KCNIP4: variants seen among roughly 807,000 people sequenced by gnomAD.
KCNIP4 encodes Kv channel-interacting protein 4.
A neutral mutation model predicts 34.0 loss-of-function variants in KCNIP4; 12 were observed. The observed-to-expected ratio is 0.35, with a 90% CI of 0.23 to 0.57. KCNIP4 has a LOEUF of 0.57. Among genes scored for constraint, KCNIP4 ranks in the 20% least tolerant of loss-of-function variants. The probability of loss-of-function intolerance (pLI) is 0.83; values close to 1 mark genes in which losing one functional copy is unlikely to be tolerated. For missense variants in KCNIP4, 238 were observed against 311.7 expected, an observed-to-expected ratio of 0.76 and a Z score of 1.78; for synonymous variants, 124 against 102.2, an observed-to-expected ratio of 1.21 and a Z score of -1.29.
intron 1 of KCNIP4, chr4:21,849,329 C>A (rs868577210): frequency 6.6e-6 from 1 of 152,102 alleles, no homozygotes; most frequent in African/African-American, 2.4e-5. Context: ...TTAAGGTGAA[C>A]CACTGTGTTA....
intron 2 of KCNIP4, among the ~76,000 whole-genome samples, chr4:20,855,278 C>G (rs1282597404): frequency 2.0e-5 from 3 of 152,126 alleles, no homozygotes; most frequent in Non-Finnish European, 4.4e-5. Context: ...GTTGTGTAAA[C>G]CAATCCACAC....
intron 1 of KCNIP4, among the ~76,000 whole-genome samples, chr4:21,481,241 T>C (rs961284671): frequency 2.0e-5 from 3 of 152,166 alleles, no homozygotes; most frequent in Non-Finnish European, 4.4e-5. Flanking sequence ...GAAAAAGATA[T>C]GACCACAAGG....
chr4:20,827,120 T>C (rs960767541), intron 3 of KCNIP4, among the ~76,000 whole-genome samples: 2 of 152,202 alleles, frequency 1.3e-5, no homozygotes, highest in Admixed American at 6.5e-5. Flanking sequence ...TTTCTAAGCA[T>C]AGTGGAGTTC....
intron 1 of KCNIP4, among the ~76,000 whole-genome samples, chr4:21,429,786 G>A (rs891913470): frequency 6.6e-5 from 10 of 152,206 alleles, no homozygotes; most frequent in African/African-American, 2.4e-4. Context: ...AAACTGGGAA[G>A]GAAATTATTT....
rs1718864812 is a variant in KCNIP4, at chr4:21,772,440, TA to T, written c.61+176130del. On this transcript the variant is annotated intron_variant, in intron 1 of 8. Transcript: ENST00000382152. ...GTATCAGGATGATGCTGGCTTCATA[TA>T]ATGAGTCAGGGAGGAGTCTCTCCTG... 2.6e-5 allele frequency among the ~76,000 whole-genome samples: 4 copies of T among 152,228 alleles called. No individual in the cohort carries two copies. In the South Asian group the frequency reaches 8.3e-4, roughly 32 times the overall value.
At chr4:21,628,402 G>A (rs1745480148) in intron 1 of KCNIP4, among the ~76,000 whole-genome samples, 1 of 152,120 alleles carries the variant, frequency 6.6e-6, no homozygotes, top group East Asian at 1.9e-4. Flanking sequence ...AAGGCCGGCT[G>A]TTATCCTCAA....
intron 1 of KCNIP4, among the ~76,000 whole-genome samples, chr4:21,765,819 G>GAAAAAAAAA (rs374486594): frequency 1.1e-5 from 1 of 95,106 alleles, no homozygotes; most frequent in Admixed American, 1.6e-4. Context: ...ACCAGGCCGT[G>GAAAAAAAAA]AAAAAAAAAA....
intron 3 of KCNIP4, among the ~76,000 whole-genome samples, chr4:20,811,340 C>T (rs1422454673): frequency 6.6e-6 from 1 of 152,162 alleles, no homozygotes; most frequent in African/African-American, 2.4e-5. Context: ...TTAGGATCAC[C>T]TTAGATGCAT....
chr4:21,399,134 A>G (rs1459176278), intron 1 of KCNIP4, among the ~76,000 whole-genome samples: 1 of 152,174 alleles, frequency 6.6e-6, no homozygotes, highest in Admixed American at 6.5e-5. Context: ...GTAGGGAACT[A>G]CTGTCCCACC....
intron 1 of KCNIP4, among the ~76,000 whole-genome samples, chr4:21,526,566 A>C (rs1735991472): frequency 1.3e-5 from 2 of 152,016 alleles, no homozygotes; most frequent in Admixed American, 1.3e-4. Context: ...CAATCTATTC[A>C]TATATATAGA....
At chr4:21,391,861 C>A (rs1013181668) in intron 1 of KCNIP4, among the ~76,000 whole-genome samples, 4 of 152,114 alleles carry the variant, frequency 2.6e-5, no homozygotes, top group African/African-American at 7.2e-5. Flanking sequence ...GTGTGATGTT[C>A]CTGATGTGTA....
intron 3 of KCNIP4, among the ~76,000 whole-genome samples, chr4:20,829,179 G>A (rs2149455084): frequency 6.6e-6 from 1 of 151,246 alleles, no homozygotes; most frequent in East Asian, 2.0e-4. Flanking sequence ...TTCTCCAGTG[G>A]GGCCAGAAGC....
intron 1 of KCNIP4, among the ~76,000 whole-genome samples, chr4:21,879,243 C>T (rs1414538380): frequency 1.3e-5 from 2 of 152,100 alleles, no homozygotes; most frequent in Non-Finnish European, 2.9e-5. Flanking sequence ...TGTCATAAGG[C>T]AAAAAAGTTT....
intron 1 of KCNIP4, among the ~76,000 whole-genome samples, chr4:21,646,872 A>G (rs1001281474): frequency 6.6e-6 from 1 of 152,234 alleles, no homozygotes; most frequent in Non-Finnish European, 1.5e-5. Context: ...GTCATTATTT[A>G]GAAGGCACAA....
chr4:21,448,377 G>A (rs1048666751), intron 1 of KCNIP4, among the ~76,000 whole-genome samples: 26 of 152,096 alleles, frequency 1.7e-4, no homozygotes, highest in African/African-American at 6.0e-4. Flanking sequence ...ACTGGAAACT[G>A]GAGGAAAGGC....
intron 2 of KCNIP4, among the ~76,000 whole-genome samples, chr4:20,863,041 AG>A (rs777889554): frequency 7.9e-5 from 12 of 152,136 alleles, no homozygotes; most frequent in Non-Finnish European, 1.6e-4. Context: ...GTGACTGTGC[AG>A]TGGGTTCACC....
chr4:20,882,561 G>A (rs146419561), intron 2 of KCNIP4, 47 bp downstream of exon 2: 161 of 1,385,688 alleles, frequency 1.2e-4, no homozygotes, highest in South Asian at 1.4e-4. Flanking sequence ...CTAAAGAAAC[G>A]AAACAAGAGT....
At chr4:21,266,748 G>T (rs1000941114) in intron 1 of KCNIP4, among the ~76,000 whole-genome samples, 9 of 152,154 alleles carry the variant, frequency 5.9e-5, no homozygotes, top group African/African-American at 2.2e-4. Flanking sequence ...CACACAAGAT[G>T]GTGTGTCAAG....
chr4:21,500,788 C>T (rs1030649799), intron 1 of KCNIP4, among the ~76,000 whole-genome samples: 1 of 151,984 alleles, frequency 6.6e-6, no homozygotes, highest in Non-Finnish European at 1.5e-5. Flanking sequence ...CAAAGTAAAA[C>T]CTGTTGAATT....
Sources: allele counts gnomAD v4.1 joint callset (sites outside exome capture counted in the v4.1 genomes callset), GRCh38; gene constraint gnomAD v4.1.1; transcripts MANE v1.5; gene names NCBI Gene and HGNC (gene_info 2026-07-23, HGNC 2026-07-21).